SHISA9: variants seen among roughly 807,000 people sequenced by gnomAD.
SHISA9 encodes protein shisa-9.
Under a neutral mutation model 38.0 loss-of-function variants are expected in SHISA9, and 13 were observed. The observed-to-expected ratio is 0.34, with a 90% CI of 0.22 to 0.54. The LOEUF (loss-of-function observed/expected upper bound fraction) is 0.54. Among genes scored for constraint, SHISA9 ranks in the 20% least tolerant of loss-of-function variants. The pLI is 0.91. For missense variants in SHISA9, 538 were observed against 575.8 expected (o/e 0.93, Z 0.67); for synonymous variants, 275 against 242.0 (o/e 1.14, Z -1.27).
chr16:13,327,343 C>G, the SHISA9 span, among the ~76,000 whole-genome samples: 3 of 152,220 alleles, frequency 2.0e-5, no homozygotes, highest in South Asian at 4.2e-4. Flanking sequence ...TAGCCACGTG[C>G]GGTGTCTCAT....
chr16:13,165,687 C>T (rs939708067), intron 2 of SHISA9, among the ~76,000 whole-genome samples: 1 of 152,198 alleles, frequency 6.6e-6, no homozygotes, highest in African/African-American at 2.4e-5. Flanking sequence ...CACAGTTCCA[C>T]ACACTCCAGC....
At chr16:13,192,029 A>G (rs1426264632) in intron 2 of SHISA9, among the ~76,000 whole-genome samples, 5 of 152,210 alleles carry the variant, frequency 3.3e-5, no homozygotes, top group Non-Finnish European at 7.3e-5. Flanking sequence ...CACACTATGG[A>G]ATTCTATGCA....
chr16:13,051,566 A>G (rs1290409274), intron 2 of SHISA9, among the ~76,000 whole-genome samples: 2 of 151,938 alleles, frequency 1.3e-5, no homozygotes, highest in African/African-American at 4.8e-5. Flanking sequence ...TTTTTATTTC[A>G]TTTTTTACTT....
chr16:13,264,591 T>C, the SHISA9 span, among the ~76,000 whole-genome samples: 672 of 152,290 alleles, frequency 4.4e-3, 6 homozygotes, highest in African/African-American at 0.016. Context: ...AACTTCTTGC[T>C]AGTAGTTCTC....
At chr16:13,444,726 C>T in the SHISA9 span, among the ~76,000 whole-genome samples, 1 of 151,814 alleles carries the variant, frequency 6.6e-6, no homozygotes, top group South Asian at 2.1e-4. Context: ...AGATTCAGTG[C>T]CACCATGTCT....
intron 4 of SHISA9, among the ~76,000 whole-genome samples, chr16:13,234,363 C>G (rs1188182576): frequency 6.6e-6 from 1 of 152,188 alleles, no homozygotes; most frequent in Non-Finnish European, 1.5e-5. Context: ...ATTTAACTCT[C>G]CAAACAGACC....
At chr16:12,907,910 T>C (rs535184535) in intron 1 of SHISA9, among the ~76,000 whole-genome samples, 55 of 152,276 alleles carry the variant, frequency 3.6e-4, no homozygotes, top group Non-Finnish European at 7.2e-4. Context: ...TCCACCCAAT[T>C]CACTCTGTTA....
the SHISA9 span, among the ~76,000 whole-genome samples, chr16:13,369,803 G>C: frequency 6.6e-6 from 1 of 152,112 alleles, no homozygotes; most frequent in Non-Finnish European, 1.5e-5. Flanking sequence ...GCTCACAGGG[G>C]CTAGCCGGGT....
At chr16:13,220,786 A>T (rs2051216362) in intron 4 of SHISA9, among the ~76,000 whole-genome samples, 10 of 152,182 alleles carry the variant, frequency 6.6e-5, no homozygotes, top group Admixed American at 6.5e-4. Context: ...CCATGGCTGG[A>T]GAATGAGCCT....
At chr16:13,357,287 C>T in the SHISA9 span, among the ~76,000 whole-genome samples, 1 of 152,128 alleles carries the variant, frequency 6.6e-6, no homozygotes, top group African/African-American at 2.4e-5. Context: ...TAAAACATGT[C>T]TCTTTTGTCT....
At chr16:13,500,196 C>T in the SHISA9 span, among the ~76,000 whole-genome samples, 10 of 152,140 alleles carry the variant, frequency 6.6e-5, no homozygotes, top group Non-Finnish European at 8.8e-5. Flanking sequence ...TTACAAGAGG[C>T]TCTTCCCCCT....
chr16:13,170,620 C>T (rs2050677740), intron 2 of SHISA9, among the ~76,000 whole-genome samples: 1 of 152,172 alleles, frequency 6.6e-6, no homozygotes, highest in Admixed American at 6.5e-5. Flanking sequence ...GCACATCCTG[C>T]ACATGTACCC....
the SHISA9 span, among the ~76,000 whole-genome samples, chr16:13,328,591 TAC>T: frequency 0.12 from 16,066 of 139,700 alleles, 1,011 homozygotes; most frequent in Admixed American, 0.23. Context: ...TATATGTGTA[TAC>T]ACACACACAC....
chr16:13,382,858 A>C, the SHISA9 span, among the ~76,000 whole-genome samples: 1 of 152,148 alleles, frequency 6.6e-6, no homozygotes, highest in Non-Finnish European at 1.5e-5. Flanking sequence ...ACTCTGTCTT[A>C]AAACAAACAA....
rs113608898 is a variant in SHISA9, at chr16:13,186,288, C to CT, written c.692-17079dup. Among the ~76,000 whole-genome samples the CT allele has an allele frequency of 7.9e-3, 824 of 104,262 alleles. 41 individuals carry two copies. The highest frequency in any genetic ancestry group is 9.4e-3 in the African/African-American group (240 of 25,560). 68.4% of individuals were successfully genotyped at this position (104,262 alleles called of 152,430 possible). A position where few individuals can be genotyped will look rare whatever the true frequency, so the allele number is the denominator to read the frequency against. ...ATAACATGAAATTTACCATCTTAAC[C>CT]TTTTTTTTTTTTTTTTTTTTTTTTT... On this transcript the variant is annotated intron_variant, in intron 2 of 4. Transcript: ENST00000558583.
chr16:12,930,898 T>C (rs2071453352), intron 2 of SHISA9, among the ~76,000 whole-genome samples: 1 of 152,180 alleles, frequency 6.6e-6, no homozygotes, highest in Admixed American at 6.6e-5. Context: ...TATCCTATAA[T>C]AAGGCAATCA....
rs147261641 is a variant in SHISA9 at position 13,106,374 on chromosome 16, A to T, written c.692-97020A>T. On this transcript the variant is annotated intron_variant, in intron 2 of 4. Transcript: ENST00000558583. ...TCCTGCATCAGAGTCCACCTCCACC[A>T]CTTACTAGCTCTGTGGCTTTGGGTG... is the stretch of plus-strand genomic sequence containing the variant. Among the ~76,000 whole-genome samples, 494 of 152,242 alleles carry T rather than the reference A, an allele frequency of 3.2e-3. 1 individual carries two copies. The highest frequency in any genetic ancestry group is 0.011 in the African/African-American group (463 of 41,530).
At chr16:13,248,310 A>C in the SHISA9 span, among the ~76,000 whole-genome samples, 1 of 152,186 alleles carries the variant, frequency 6.6e-6, no homozygotes, top group Non-Finnish European at 1.5e-5. Flanking sequence ...TGTGCCAGCC[A>C]TGGTGCCGGG....
chr16:13,396,436 G>C, the SHISA9 span, among the ~76,000 whole-genome samples: 1 of 152,186 alleles, frequency 6.6e-6, no homozygotes, highest in Non-Finnish European at 1.5e-5. Flanking sequence ...GAACTCAGGA[G>C]GTGGAGGTTG....
Sources: allele counts gnomAD v4.1 joint callset (sites outside exome capture counted in the v4.1 genomes callset), GRCh38; gene constraint gnomAD v4.1.1; transcripts MANE v1.5; gene names NCBI Gene and HGNC (gene_info 2026-07-23, HGNC 2026-07-21).